DGKD: variants seen among roughly 807,000 people sequenced by gnomAD.
DGKD encodes the protein diacylglycerol kinase delta, also known as DAG kinase delta.
Under a neutral mutation model 154.4 loss-of-function variants are expected in DGKD, and 68 were observed. The ratio of observed to expected loss-of-function variants is 0.44; its 90% confidence interval spans 0.36 to 0.54. The LOEUF (loss-of-function observed/expected upper bound fraction) is 0.54. Ranked by LOEUF, DGKD falls within the 20% of genes least tolerant of loss-of-function variation. DGKD has a pLI of 0.00. For missense variants in DGKD, 1,343 were observed against 1,593.6 expected, an observed-to-expected ratio of 0.84 and a Z score of 2.68; for synonymous variants, 693 against 638.0, an observed-to-expected ratio of 1.09 and a Z score of -1.30.
intron 3 of DGKD, among the ~76,000 whole-genome samples, chr2:233,394,488 C>A (rs555865218): frequency 6.6e-6 from 1 of 152,168 alleles, no homozygotes; most frequent in African/African-American, 2.4e-5. Flanking sequence ...AAGTGATCCT[C>A]CTGCCTTGGC....
intron 3 of DGKD, among the ~76,000 whole-genome samples, chr2:233,430,861 G>C (rs903538083): frequency 5.3e-5 from 8 of 152,006 alleles, no homozygotes; most frequent in Non-Finnish European, 7.4e-5. Flanking sequence ...AATCCCATGG[G>C]CAAAAAATAG....
chr2:233,413,991 C>T (rs910010050), intron 3 of DGKD, among the ~76,000 whole-genome samples: 6 of 152,172 alleles, frequency 3.9e-5, no homozygotes, highest in Non-Finnish European at 5.9e-5. Flanking sequence ...GGATAAACCA[C>T]CTCTGAGCAT....
chr2:233,420,097 G>C (rs2062065874), intron 3 of DGKD, among the ~76,000 whole-genome samples: 1 of 152,160 alleles, frequency 6.6e-6, no homozygotes, highest in Non-Finnish European at 1.5e-5. Context: ...CAGTCGGCAG[G>C]GGCCTGGTGG....
At chr2:233,364,946 AC>A (rs1197023642) in intron 1 of DGKD, among the ~76,000 whole-genome samples, 7 of 152,198 alleles carry the variant, frequency 4.6e-5, no homozygotes, top group African/African-American at 1.7e-4. Context: ...GCAAACACTA[AC>A]CAAAAGAAAC....
chr2:233,356,864 G>C (rs1221381048), intron 1 of DGKD, among the ~76,000 whole-genome samples: 1 of 151,652 alleles, frequency 6.6e-6, no homozygotes, highest in Non-Finnish European at 1.5e-5. Flanking sequence ...AAATTCCTCT[G>C]GTATCTATGG....
At chr2:233,374,798 T>C (rs1702485459) in intron 1 of DGKD, among the ~76,000 whole-genome samples, 1 of 151,948 alleles carries the variant, frequency 6.6e-6, no homozygotes, top group Non-Finnish European at 1.5e-5. Context: ...TATGCCACCA[T>C]ACCCAGCCAA....
chr2:233,448,331 A>C lies in DGKD; in HGVS notation c.1570A>C (p.Lys524Gln). ...GGCACGGGTGGGGAAGGCCTATGAGAAGACGACCGAGAGCTCGGAGGAGTC... is the reference window on the plus strand; with the variant it reads ...GGCACGGGTGGGGAAGGCCTATGAGCAGACGACCGAGAGCTCGGAGGAGTC... ...FVARVGKAYE[K>Q]TTESSEESEV... Residue 524 changes from lysine to glutamine, a missense_variant, in exon 14 of 30, where the codon AAG (lysine) becomes CAG (glutamine). Physicochemically the swap from Lys to Gln is moderately conservative, Grantham distance 53. Transcript: ENST00000264057. The C allele has an allele frequency of 6.2e-7, 1 of 1,614,020 alleles. No individual in the cohort carries two copies. Among genetic ancestry groups the C allele is most frequent in the Non-Finnish European group, 8.5e-7 (1 of 1,179,976 alleles).
At chr2:233,413,170 G>A (rs1307955442) in intron 3 of DGKD, among the ~76,000 whole-genome samples, 1 of 152,186 alleles carries the variant, frequency 6.6e-6, no homozygotes, top group African/African-American at 2.4e-5. Flanking sequence ...GGCCGAAGCA[G>A]GTGGATCACT....
At chr2:233,388,475 C>A in intron 2 of DGKD, 108 bp downstream of exon 2, 1 of 1,063,308 alleles carries the variant, frequency 9.4e-7, no homozygotes, top group Non-Finnish European at 1.3e-6. Context: ...ATTCTCAGAT[C>A]TGTTATTGCC....
At chr2:233,436,493 T>A in intron 7 of DGKD, 52 bp downstream of exon 7, 1 of 1,585,756 alleles carries the variant, frequency 6.3e-7, no homozygotes, top group Non-Finnish European at 8.6e-7. Flanking sequence ...CTCCCTACCG[T>A]GCCCATGCGG....
intron 3 of DGKD, among the ~76,000 whole-genome samples, chr2:233,404,200 T>TA (rs2061626471): frequency 6.6e-6 from 1 of 152,190 alleles, no homozygotes; most frequent in African/African-American, 2.4e-5. Flanking sequence ...TGAGTCTCTG[T>TA]AATGATCGTT....
At chr2:233,423,463 C>T (rs2062186835) in intron 3 of DGKD, among the ~76,000 whole-genome samples, 1 of 152,118 alleles carries the variant, frequency 6.6e-6, no homozygotes, top group African/African-American at 2.4e-5. Flanking sequence ...GCGTAGGGCT[C>T]TCTGGTTGTG....
chr2:233,392,046 ATGT>A (rs1478953553), intron 3 of DGKD: 1 of 152,004 alleles, frequency 6.6e-6, no homozygotes, highest in Non-Finnish European at 1.5e-5. Context: ...TTTTTTTGAG[ATGT>A]TGTCTCCCTT....
chr2:233,388,055 T>G, intron 1 of DGKD: 1 of 1,217,522 alleles, frequency 8.2e-7, no homozygotes, highest in Non-Finnish European at 1.1e-6. Context: ...ACATTGCCCC[T>G]TAGAGGACAG....
chr2:233,449,007 G>A lies in DGKD; in HGVS notation c.1615-96G>A. On this transcript the variant is annotated intron_variant, in intron 14 of 29. Transcript: ENST00000264057. This position sits in a 1 kb window ranked among gnomAD's most constrained non-coding sequence, Gnocchi z 5.3. ...GAGTTAGGATTTTCCTTTTGATCGAGTTCTAGGAAGTCTGGGTGAAATGGC... is the reference window on the plus strand; with the variant it reads ...GAGTTAGGATTTTCCTTTTGATCGAATTCTAGGAAGTCTGGGTGAAATGGC... The A allele has an allele frequency of 6.9e-7, 1 of 1,441,090 alleles. No homozygotes were observed. Among genetic ancestry groups the A allele is most frequent in the Non-Finnish European group, 9.3e-7 (1 of 1,077,598 alleles). The allele number at this position is 1,441,090 out of a possible 1,614,324, so 89.3% of individuals were successfully genotyped here. A position where few individuals can be genotyped will look rare whatever the true frequency, so the allele number is the denominator to read the frequency against.
Position 233,448,221 on chromosome 2 carries a change from G to GC in DGKD, c.1514+45dup, listed in dbSNP as rs754483356. ...GCCCTGGGGAGGGCATGGTGCCCTG[G>GC]CCCCCAGCCTGGAGCTGCCTCTCTA... On this transcript the variant is annotated intron_variant, in intron 13 of 29. Coordinates refer to ENST00000264057, the MANE Select transcript of DGKD (RefSeq NM_152879.3). 1.9e-6 allele frequency: 3 copies of GC among 1,613,624 alleles called. 1 individual carries two copies. In the South Asian group the frequency reaches 3.3e-5, roughly 18 times the overall value.
intron 17 of DGKD, 33 bp downstream of exon 17, chr2:233,451,083 G>A: frequency 1.3e-6 from 2 of 1,589,124 alleles, no homozygotes; most frequent in South Asian, 2.2e-5. Flanking sequence ...GACTGGTGGG[G>A]GCCCTAGCAC....
At chr2:233,436,903 G>A (rs2062716369) in intron 7 of DGKD, among the ~76,000 whole-genome samples, 1 of 152,260 alleles carries the variant, frequency 6.6e-6, no homozygotes, top group African/African-American at 2.4e-5. Flanking sequence ...TGGGTGGTGA[G>A]ATGTGCTTCC....
intron 3 of DGKD, among the ~76,000 whole-genome samples, chr2:233,417,488 A>C (rs1387565759): frequency 1.3e-5 from 2 of 152,150 alleles, no homozygotes; most frequent in Non-Finnish European, 2.9e-5. Context: ...CAGCTTACCT[A>C]TTCCCATGGG....
Sources: gnomAD v4.1 joint callset for allele counts (sites outside exome capture counted in the v4.1 genomes callset) on GRCh38, gnomAD v4.1.1 for gene constraint, Gnocchi (gnomAD v3.1) non-coding constraint, MANE v1.5 for transcripts, NCBI Gene and HGNC (gene_info 2026-07-23, HGNC 2026-07-21) for gene names.